The following PARD3B variants were observed in gnomAD, a reference collection of about 807,000 sequenced individuals.
PARD3B encodes partitioning defective 3 homolog B.
A neutral mutation model predicts 130.2 loss-of-function variants in PARD3B; 103 were observed. The observed-to-expected ratio is 0.79, with a 90% CI of 0.67 to 0.93. The LOEUF is 0.93. Ranked by LOEUF, PARD3B falls within the 40% of genes least tolerant of loss-of-function variation. PARD3B has a pLI of 0.00. For missense variants in PARD3B, 1,609 were observed against 1,499.2 expected (o/e 1.07, Z -1.21); for synonymous variants, 583 against 553.2 (o/e 1.05, Z -0.76).
chr2:205,547,878 C>G (rs2052445693), intron 21 of PARD3B, among the ~76,000 whole-genome samples: 1 of 152,100 alleles, frequency 6.6e-6, no homozygotes. Flanking sequence ...GCAAGGGAAT[C>G]CAGAGAAAGG....
intron 15 of PARD3B, among the ~76,000 whole-genome samples, chr2:205,227,605 A>T (rs935170002): frequency 1.1e-4 from 16 of 152,098 alleles, no homozygotes; most frequent in African/African-American, 3.9e-4. Context: ...TAGGCAACAG[A>T]TTATTGCATC....
At chr2:204,584,907 A>G (rs996232607) in intron 1 of PARD3B, among the ~76,000 whole-genome samples, 1 of 152,206 alleles carries the variant, frequency 6.6e-6, no homozygotes, top group Non-Finnish European at 1.5e-5. Context: ...CAAACTCCAA[A>G]TGGTGAGGAA....
At chr2:205,365,381 A>AG (rs1175075997) in intron 18 of PARD3B, among the ~76,000 whole-genome samples, 1 of 45,120 alleles carries the variant, frequency 2.2e-5, no homozygotes, top group African/African-American at 6.2e-5. Context: ...ACTCCGTCTC[A>AG]GAAAAAAAAA....
intron 3 of PARD3B, among the ~76,000 whole-genome samples, chr2:204,983,712 T>C (rs1449743444): frequency 6.6e-6 from 1 of 152,196 alleles, no homozygotes; most frequent in African/African-American, 2.4e-5. Context: ...CTCCATATAC[T>C]TGCAAGACAC....
At chr2:204,828,374 G>T (rs1233262472) in intron 2 of PARD3B, among the ~76,000 whole-genome samples, 3 of 152,028 alleles carry the variant, frequency 2.0e-5, no homozygotes, top group Non-Finnish European at 4.4e-5. Flanking sequence ...TTCTTTCTCT[G>T]CTCCAGTGAT....
chr2:204,804,843 A>G lies in PARD3B; in HGVS notation c.222+118561A>G, dbSNP rs866183764. Among the ~76,000 whole-genome samples the G allele has an allele frequency of 2.1e-4, 32 of 152,316 alleles. No homozygotes were observed. The Middle Eastern group carries it at 0.014, about 65-fold the overall frequency. ...AATAATAAGAGGAACTGTAGAAACT[A>G]TACAAACACATGGAAATTAAACAAT... On this transcript the variant is annotated intron_variant, in intron 2 of 22. Coordinates refer to ENST00000406610, the MANE Select transcript of PARD3B (RefSeq NM_001302769.2).
chr2:205,384,978 C>CT (rs574256738), intron 18 of PARD3B, among the ~76,000 whole-genome samples: 1 of 151,004 alleles, frequency 6.6e-6, no homozygotes, highest in Non-Finnish European at 1.5e-5. Flanking sequence ...AATATTGAAC[C>CT]TTTTTTTTTA....
intron 6 of PARD3B, among the ~76,000 whole-genome samples, chr2:205,118,165 G>A (rs909814435): frequency 1.3e-5 from 2 of 152,230 alleles, no homozygotes; most frequent in Non-Finnish European, 1.5e-5. Flanking sequence ...CCCCCTCCAG[G>A]TCCATCAGAT....
At chr2:204,568,479 T>C (rs1040975663) in intron 1 of PARD3B, among the ~76,000 whole-genome samples, 1 of 152,196 alleles carries the variant, frequency 6.6e-6, no homozygotes, top group African/African-American at 2.4e-5. Flanking sequence ...TAGGAATGTT[T>C]TAAGTCTGTT....
At position 205,263,082 on chromosome 2, in the gene PARD3B, G is replaced by A. The variant is rs1305914483; in HGVS notation, c.2185+17260G>A. 2.0e-5 allele frequency among the ~76,000 whole-genome samples: 3 copies of A among 152,016 alleles called. No individual in the cohort carries two copies. The highest frequency in any genetic ancestry group is 7.2e-5 in the African/African-American group (3 of 41,400). On this transcript the variant is annotated intron_variant, in intron 16 of 22. Coordinates refer to ENST00000406610, the MANE Select transcript of PARD3B (RefSeq NM_001302769.2). This position sits in a 1 kb window ranked among gnomAD's most constrained non-coding sequence, Gnocchi z 4.0. ...TTTATGAATCTGGAGAAATAACAGA[G>A]TAAGAAGAGATGAAGGAAAAGAGGT...
At chr2:204,563,877 C>T (rs2031503673) in intron 1 of PARD3B, among the ~76,000 whole-genome samples, 1 of 152,212 alleles carries the variant, frequency 6.6e-6, no homozygotes, top group African/African-American at 2.4e-5. Context: ...GGGTTCACGC[C>T]ATTCTCCTGC....
chr2:205,506,808 T>C (rs1021853640), intron 21 of PARD3B, among the ~76,000 whole-genome samples: 2 of 152,170 alleles, frequency 1.3e-5, no homozygotes, highest in Non-Finnish European at 2.9e-5. Flanking sequence ...AGGCAATAGC[T>C]CTTATATTCC....
At chr2:204,875,632 A>G (rs1001325562) in intron 2 of PARD3B, among the ~76,000 whole-genome samples, 1 of 152,208 alleles carries the variant, frequency 6.6e-6, no homozygotes, top group Non-Finnish European at 1.5e-5. Flanking sequence ...AAACGGTGTC[A>G]CAAAGACTGT....
intron 1 of PARD3B, among the ~76,000 whole-genome samples, chr2:204,563,267 T>TCTCTCTCTCTCTCTCTCTC (rs1559158190): frequency 1.7e-5 from 1 of 59,246 alleles, no homozygotes; most frequent in African/African-American, 5.1e-5. Context: ...CTCTCTCTCT[T>TCTCTCTCTCTCTCTCTCTC]TCTCTCTTCT....
At chr2:204,602,046 T>C (rs2033535287) in intron 1 of PARD3B, among the ~76,000 whole-genome samples, 1 of 151,988 alleles carries the variant, frequency 6.6e-6, no homozygotes, top group Non-Finnish European at 1.5e-5. Flanking sequence ...TACAGGGAGT[T>C]ATTTCTCATC....
chr2:204,989,738 C>A (rs1229978115), intron 3 of PARD3B, among the ~76,000 whole-genome samples: 1 of 151,956 alleles, frequency 6.6e-6, no homozygotes, highest in Non-Finnish European at 1.5e-5. Context: ...ACCTTTTTCT[C>A]CTTAATATTG....
At position 205,276,229 on chromosome 2, in the gene PARD3B, G is replaced by C. The variant is rs112535407; in HGVS notation, c.2186-24301G>C. ...ATGTGGATGGGAAGAGCATTTAGCA[G>C]TCTCATCCCTCTGCCATTCCTTCCT... On this transcript the variant is annotated intron_variant, in intron 16 of 22. Transcript: ENST00000406610. This position sits in a 1 kb window ranked among gnomAD's most constrained non-coding sequence, Gnocchi z 5.0. Among the ~76,000 whole-genome samples, 26 of 152,192 alleles carry C rather than the reference G, an allele frequency of 1.7e-4. No individual in the cohort carries two copies. Among genetic ancestry groups the C allele is most frequent in the Non-Finnish European group, 2.9e-4 (20 of 68,036 alleles).
Position 205,553,314 on chromosome 2 carries a change from C to T in PARD3B, c.3181-10C>T, listed in dbSNP as rs200705594. The T allele has an allele frequency of 8.1e-6, 13 of 1,612,350 alleles. No homozygotes were observed. In the East Asian group the frequency reaches 2.7e-4, roughly 33 times the overall value. On this transcript the variant is annotated splice_polypyrimidine_tract_variant and intron_variant, in intron 21 of 22. Transcript: ENST00000406610. ...TGGATCTTCATCTCTAATTGCTTTT[C>T]TCTCCACAGGTGCCTGGAAGGGGTC...
chr2:204,850,187 T>G (rs997234181), intron 2 of PARD3B, among the ~76,000 whole-genome samples: 8 of 152,190 alleles, frequency 5.3e-5, no homozygotes, highest in African/African-American at 1.9e-4. Flanking sequence ...TGCCTCCATT[T>G]TGTTTCATGG....
Sources: allele counts gnomAD v4.1 joint callset (sites outside exome capture counted in the v4.1 genomes callset), GRCh38; gene constraint gnomAD v4.1.1; non-coding constraint Gnocchi (gnomAD v3.1); transcripts MANE v1.5; gene names NCBI Gene and HGNC (gene_info 2026-07-23, HGNC 2026-07-21).